TRIM8: variants seen among roughly 807,000 people sequenced by gnomAD.
The protein encoded by TRIM8 is tripartite motif containing 8.
Under a neutral mutation model 55.7 loss-of-function variants are expected in TRIM8, and 9 were observed. The ratio of observed to expected loss-of-function variants is 0.16; its 90% CI spans 0.10 to 0.28. TRIM8 has a LOEUF of 0.28. Among genes scored for constraint, TRIM8 ranks in the 10% least tolerant of loss-of-function variants. TRIM8 has a pLI of 1.00. For synonymous variants in TRIM8, 335 were observed against 333.3 expected (o/e 1.01, Z -0.06); for missense variants, 556 against 736.4 (o/e 0.76, Z 2.83).
rs984370235 is a variant in TRIM8 at position 102,655,323 on chromosome 10, G to A, written c.900+10G>A. The A allele has an allele frequency of 6.3e-7, 1 of 1,592,838 alleles. No individual in the cohort carries two copies. The highest frequency in any genetic ancestry group is 8.5e-7 in the Non-Finnish European group (1 of 1,173,164). ...TGTCAGCTTCATGAAGGTGGGCTGG[G>A]CTCAGGACCAGGCTGGTGGCACCCA... On this transcript the variant is annotated intron_variant, in intron 3 of 5. Transcript: ENST00000643721.
intron 2 of TRIM8, 35 bp downstream of exon 2, chr10:102,654,783 G>A (rs916950144): frequency 2.6e-6 from 4 of 1,533,196 alleles, no homozygotes; most frequent in Non-Finnish European, 2.7e-6. Context: ...CGGGGTGGGG[G>A]TGGCTTGAGC....
rs1590102848 is a variant in TRIM8 at position 102,644,824 on chromosome 10, G to A, written c.207G>A (p.Leu69=). The change falls in exon 1 of 6, where the codon CTG becomes CTA. Residue 69 remains leucine (L), a synonymous_variant. Coordinates refer to ENST00000643721, the MANE Select transcript of TRIM8 (RefSeq NM_030912.3). The stretch of plus-strand genomic sequence containing the variant: ...AGAAGCCGGGCCTGGAGAAGAACCT[G>A]AAGCTCACCAACATCGTGGAGAAGT... ...YNQKPGLEKN[L]KLTNIVEKFN... 6.2e-7 allele frequency: 1 copy of A among 1,613,126 alleles called. No individual in the cohort carries two copies. The highest frequency in any genetic ancestry group is 2.2e-5 in the East Asian group (1 of 44,854).
Position 102,644,754 on chromosome 10 carries a change from A to G in TRIM8, c.137A>G (p.Asp46Gly). 1 of 1,613,244 alleles carries G rather than the reference A, an allele frequency of 6.2e-7. No individual in the cohort carries two copies. ...TGCATCGGCGAGGCGTGGGCCAAGG[A>G]CAGCGGCCTCGTACGCTGCCCAGAG... ...RGCIGEAWAK[D>G]SGLVRCPECN... The change falls in exon 1 of 6, where the codon GAC (aspartate) becomes GGC (glycine). Residue 46 changes from aspartate to glycine, a missense_variant. By Grantham distance (94) the Asp-to-Gly change is moderately conservative. Transcript: ENST00000643721.
chr10:102,648,759 A>G (rs976716355), intron 1 of TRIM8, among the ~76,000 whole-genome samples: 2 of 152,220 alleles, frequency 1.3e-5, no homozygotes, highest in African/African-American at 4.8e-5. Context: ...ACAGCAGACC[A>G]TACTCCTGCA....
chr10:102,644,857 C>A lies in TRIM8; in HGVS notation c.240C>A (p.Ala80=). ...CCAACATCGTGGAGAAGTTCAATGC[C>A]CTGCACGTGGAGAAGCCGCCGGCGG... The part of the protein sequence containing the change: ...KLTNIVEKFN[A]LHVEKPPAAL... The change falls in exon 1 of 6, where the codon GCC becomes GCA. Residue 80 remains alanine (A), a synonymous_variant. Coordinates refer to ENST00000643721, the MANE Select transcript of TRIM8 (RefSeq NM_030912.3). The A allele has an allele frequency of 6.2e-7, 1 of 1,612,454 alleles. No individual in the cohort carries two copies. The highest frequency in any genetic ancestry group is 1.3e-5 in the African/African-American group (1 of 75,046).
intron 1 of TRIM8, among the ~76,000 whole-genome samples, chr10:102,646,505 A>G (rs952105308): frequency 2.6e-5 from 4 of 152,184 alleles, no homozygotes; most frequent in Admixed American, 2.6e-4. Context: ...AAACATACAC[A>G]TACAACCAAC....
Position 102,657,051 on chromosome 10 carries a change from C to T in TRIM8, c.1353C>T (p.Ala451=), listed in dbSNP as rs566678846. 1.1e-5 allele frequency: 18 copies of T among 1,613,242 alleles called. No individual in the cohort carries two copies. Among genetic ancestry groups the T allele is most frequent in the South Asian group, 3.3e-5 (3 of 91,084 alleles). The change falls in exon 6 of 6, where the codon GCC becomes GCT. Residue 451 remains alanine, a synonymous_variant. Transcript: ENST00000643721. ...FPPSQYPNGS[A]AQQPMLPQYG... ...CATCGCAGTATCCCAATGGCTCCGC[C>T]GCCCAGCAGCCCATGCTCCCCCAGT...
At chr10:102,654,853 C>T in intron 2 of TRIM8, 105 bp downstream of exon 2, 1 of 981,206 alleles carries the variant, frequency 1.0e-6, no homozygotes, top group South Asian at 1.3e-5. Flanking sequence ...GCCAGAACCA[C>T]TCCATCAGTC....
chr10:102,654,741 T>C lies in TRIM8; in HGVS notation c.659T>C (p.Leu220Pro). 1 of 1,613,688 alleles carries C rather than the reference T, an allele frequency of 6.2e-7. No homozygotes were observed. Among genetic ancestry groups the C allele is most frequent in the Non-Finnish European group, 8.5e-7 (1 of 1,179,590 alleles). The change falls in exon 2 of 6, where the codon CTG becomes CCG. Residue 220 changes from leucine (L) to proline (P), a missense_variant. Coordinates refer to ENST00000643721, the MANE Select transcript of TRIM8 (RefSeq NM_030912.3). Reference sequence around the variant, plus strand: ...TACAAACTCGAGTCAGACAAGCGCCTGGTGGAGGTAGCTAAGCCCAAGGCC... The same window carrying C: ...TACAAACTCGAGTCAGACAAGCGCCCGGTGGAGGTAGCTAAGCCCAAGGCC... Reference protein sequence around the residue: ...QLYKLESDKRLVEEKVNQLKE... With the variant: ...QLYKLESDKRPVEEKVNQLKE...
Position 102,657,550 on chromosome 10 carries a change from C to T in TRIM8, c.*196C>T, listed in dbSNP as rs2064038169. ...TTTTTTTTATTATGAATCTCCTGGA[C>T]GCAGAGGTGACAGTGGGAGCTGGCC... On this transcript the variant is annotated 3_prime_UTR_variant, in exon 6 of 6. Coordinates refer to ENST00000643721, the MANE Select transcript of TRIM8 (RefSeq NM_030912.3). 2 of 688,050 alleles carry T rather than the reference C, an allele frequency of 2.9e-6. No homozygotes were observed. The highest frequency in any genetic ancestry group is 4.5e-6 in the Non-Finnish European group (2 of 441,694). The allele number at this position is 688,050 out of a possible 1,614,324, so 42.6% of individuals were successfully genotyped here.
intron 1 of TRIM8, among the ~76,000 whole-genome samples, chr10:102,648,035 G>C (rs12241531): frequency 1.3e-5 from 2 of 152,090 alleles, no homozygotes; most frequent in East Asian, 1.9e-4. Flanking sequence ...CCAGTGTGTC[G>C]GCCACATTGC....
At chr10:102,648,945 C>G (rs1175382663) in intron 1 of TRIM8, among the ~76,000 whole-genome samples, 2 of 152,188 alleles carry the variant, frequency 1.3e-5, no homozygotes, top group African/African-American at 4.8e-5. Context: ...CAGGATCCTG[C>G]TGACATGGCC....
At chr10:102,649,434 G>A (rs2063962991) in intron 1 of TRIM8, among the ~76,000 whole-genome samples, 1 of 152,224 alleles carries the variant, frequency 6.6e-6, no homozygotes, top group Non-Finnish European at 1.5e-5. Context: ...GCGCTGTTGT[G>A]TTGGGTGCAG....
chr10:102,645,921 C>T (rs2063931355), intron 1 of TRIM8: 1 of 152,282 alleles, frequency 6.6e-6, no homozygotes, highest in Admixed American at 6.5e-5. Flanking sequence ...CCTAGCACAG[C>T]CCTCTCGCCG....
intron 1 of TRIM8, chr10:102,653,642 G>A (rs1162058286): frequency 6.6e-6 from 1 of 152,306 alleles, no homozygotes; most frequent in Non-Finnish European, 1.5e-5. Context: ...CAGGTCTTAG[G>A]AGACCTCAAA....
chr10:102,650,480 G>A (rs1274792904), intron 1 of TRIM8, among the ~76,000 whole-genome samples: 1 of 152,136 alleles, frequency 6.6e-6, no homozygotes, highest in Non-Finnish European at 1.5e-5. Flanking sequence ...AGGCAGGGCT[G>A]GGGGTGTGAA....
intron 1 of TRIM8, among the ~76,000 whole-genome samples, chr10:102,647,122 A>C (rs1211963243): frequency 2.6e-5 from 4 of 152,158 alleles, no homozygotes; most frequent in African/African-American, 9.7e-5. Flanking sequence ...TGGCATGTGC[A>C]TGCAGAGTAT....
chr10:102,645,315 A>C (rs1194735003), intron 1 of TRIM8, 128 bp downstream of exon 1: 2 of 1,089,618 alleles, frequency 1.8e-6, no homozygotes, highest in Non-Finnish European at 2.5e-6. Flanking sequence ...GCCCCTGGCC[A>C]AACTCTTCTC....
chr10:102,654,558 A>G (rs2064008747), intron 1 of TRIM8, 95 bp from the exon 2 acceptor site: 4 of 1,011,032 alleles, frequency 4.0e-6, no homozygotes, highest in Non-Finnish European at 6.3e-6. Context: ...CATCGGGTCA[A>G]AGGATCCATA....
Sources: gnomAD v4.1 joint callset for allele counts (sites outside exome capture counted in the v4.1 genomes callset) on GRCh38, gnomAD v4.1.1 for gene constraint, MANE v1.5 for transcripts, NCBI Gene and HGNC (gene_info 2026-07-23, HGNC 2026-07-21) for gene names.